The following GSE1 variants were observed in gnomAD, a reference collection of about 807,000 sequenced individuals.
GSE1 encodes the protein genetic suppressor element 1.
Under a neutral mutation model 112.6 loss-of-function variants are expected in GSE1, and 32 were observed. The observed-to-expected ratio is 0.28, with a 90% CI of 0.21 to 0.38. The LOEUF is 0.38. Among genes scored for constraint, GSE1 ranks in the 10% least tolerant of loss-of-function variants. GSE1 has a pLI of 1.00. For missense variants in GSE1, 2,348 were observed against 1,699.2 expected (o/e 1.38, Z -6.71); for synonymous variants, 1,115 against 735.6 (o/e 1.52, Z -8.35).
chr16:85,291,260 G>C (rs1185183849), intron 1 of GSE1, among the ~76,000 whole-genome samples: 1 of 152,204 alleles, frequency 6.6e-6, no homozygotes, highest in Non-Finnish European at 1.5e-5. Flanking sequence ...CTCAGAGCTT[G>C]AGTAGGAGCC....
chr16:85,441,516 G>A lies in GSE1; in HGVS notation c.2464+83873G>A, dbSNP rs185569634. On this transcript the variant is annotated intron_variant, in intron 2 of 2. Transcript: ENST00000637419. ...CTAAAAATGCGAAAATTAGCTGGGC[G>A]TAGTGGTGTGCGCCTGTAATCCCAG... is the stretch of plus-strand genomic sequence containing the variant. Among the ~76,000 whole-genome samples, 3 of 152,304 alleles carry A rather than the reference G, an allele frequency of 2.0e-5. No individual in the cohort carries two copies. The East Asian group carries it at 5.8e-4, about 29-fold the overall frequency.
intron 13 of GSE1, among the ~76,000 whole-genome samples, chr16:85,667,410 G>C (rs757705677): frequency 6.6e-6 from 1 of 152,248 alleles, no homozygotes; most frequent in African/African-American, 2.4e-5. Context: ...ACCAGGCCAC[G>C]CCATGAGACA....
At chr16:85,481,991 C>T (rs1016362824) in intron 2 of GSE1, among the ~76,000 whole-genome samples, 6 of 152,264 alleles carry the variant, frequency 3.9e-5, no homozygotes, top group African/African-American at 1.2e-4. Context: ...ATGCCCTCGC[C>T]GGGACTACGC....
At chr16:85,559,791 C>T (rs548557815) in intron 1 of GSE1, among the ~76,000 whole-genome samples, 173 of 152,336 alleles carry the variant, frequency 1.1e-3, no homozygotes, top group Admixed American at 2.4e-3. Flanking sequence ...ATCCATGGCC[C>T]GGCCCATTGT....
chr16:85,644,222 C>A (rs2050672198), intron 2 of GSE1, among the ~76,000 whole-genome samples: 1 of 152,054 alleles, frequency 6.6e-6, no homozygotes, highest in Non-Finnish European at 1.5e-5. Context: ...GCCTTTAGTC[C>A]CGGCTCCTCA....
intron 2 of GSE1, among the ~76,000 whole-genome samples, chr16:85,537,352 C>G (rs1202639741): frequency 6.6e-6 from 1 of 152,190 alleles, no homozygotes; most frequent in Admixed American, 6.5e-5. Flanking sequence ...ACAGTGGAGA[C>G]AGGGGGATCT....
intron 3 of GSE1, among the ~76,000 whole-genome samples, chr16:85,651,179 C>T (rs1333053173): frequency 3.3e-5 from 5 of 151,108 alleles, no homozygotes; most frequent in African/African-American, 9.7e-5. Context: ...ATGCGTCTGT[C>T]TGTGGAGACG....
chr16:85,630,722 G>C (rs1384787545), intron 1 of GSE1, among the ~76,000 whole-genome samples: 1 of 152,218 alleles, frequency 6.6e-6, no homozygotes, highest in African/African-American at 2.4e-5. Flanking sequence ...GCCGTGTACT[G>C]GGCAGGTGCT....
Position 85,654,357 on chromosome 16 carries a change from G to A in GSE1, c.506G>A (p.Gly169Glu). ...EPPLPQEKAG[G>E]PAIPSHLLST... ...CCGCTCCCTCAGGAGAAGGCAGGGG[G>A]ACCAGCCATCCCCTCGCACCTGCTC... The change falls in exon 4 of 16, where the codon GGA becomes GAA. Residue 169 changes from glycine to glutamate, a missense_variant. Transcript: ENST00000253458. The A allele has an allele frequency of 6.2e-7, 1 of 1,612,114 alleles. No individual in the cohort carries two copies. The highest frequency in any genetic ancestry group is 8.5e-7 in the Non-Finnish European group (1 of 1,179,552).
At chr16:85,290,684 C>G (rs1043169345) in intron 1 of GSE1, among the ~76,000 whole-genome samples, 9 of 152,288 alleles carry the variant, frequency 5.9e-5, no homozygotes, top group Non-Finnish European at 7.4e-5. Context: ...TAATAACTAA[C>G]TCTTCATAGA....
chr16:85,633,418 C>T (rs909886753), intron 1 of GSE1, among the ~76,000 whole-genome samples: 1 of 152,250 alleles, frequency 6.6e-6, no homozygotes, highest in African/African-American at 2.4e-5. Context: ...AGGGCATTGC[C>T]ATGCGTGCCT....
In GSE1 at chr16:85,624,365, G is replaced by A. The variant is rs561354541; in HGVS notation, c.8-9549G>A. 1.6e-4 allele frequency among the ~76,000 whole-genome samples: 25 copies of A among 152,322 alleles called. No homozygotes were observed. In the East Asian group the frequency reaches 2.3e-3, roughly 14 times the overall value. The stretch of plus-strand genomic sequence containing the variant: ...TGGGCTACACAGGGCACCCGGGGGC[G>A]GTTCCGGCCTCTAGCACAGGTGCCC... On this transcript the variant is annotated intron_variant, in intron 1 of 15. Transcript: ENST00000253458.
intron 2 of GSE1, among the ~76,000 whole-genome samples, chr16:85,403,845 C>G (rs1373187579): frequency 1.3e-5 from 2 of 152,158 alleles, no homozygotes; most frequent in Non-Finnish European, 2.9e-5. Flanking sequence ...CTGCCACAGT[C>G]TGGAGGCCAG....
chr16:85,615,736 G>A (rs563232606), intron 1 of GSE1, among the ~76,000 whole-genome samples: 1 of 152,326 alleles, frequency 6.6e-6, no homozygotes, highest in South Asian at 2.1e-4. Context: ...GAGTGTCAGA[G>A]TTCAAAGGGG....
intron 8 of GSE1, among the ~76,000 whole-genome samples, chr16:85,658,082 T>C (rs2052121179): frequency 6.6e-6 from 1 of 152,264 alleles, no homozygotes; most frequent in South Asian, 2.1e-4. Context: ...GCCCGTTTTC[T>C]AGCCCTTTAT....
chr16:85,227,816 CTGTT>C (rs545405275), intron 1 of GSE1, among the ~76,000 whole-genome samples: 42 of 152,360 alleles, frequency 2.8e-4, no homozygotes, highest in African/African-American at 1.0e-3. Flanking sequence ...CATTCCCTCA[CTGTT>C]TGCTGAATGC....
intron 1 of GSE1, among the ~76,000 whole-genome samples, chr16:85,196,134 G>A (rs930422470): frequency 2.0e-5 from 3 of 152,202 alleles, no homozygotes; most frequent in Admixed American, 6.5e-5. Flanking sequence ...GCTGCCAAAC[G>A]AGTTAAGAAA....
intron 6 of GSE1, 86 bp from the exon 7 acceptor site, chr16:85,656,257 C>T (rs997939474): frequency 6.5e-6 from 10 of 1,528,248 alleles, no homozygotes; most frequent in Admixed American, 1.9e-5. Context: ...CTGGCTCGTT[C>T]CTGGTTATGC....
At chr16:85,625,243 A>G (rs189889186) in intron 1 of GSE1, among the ~76,000 whole-genome samples, 1 of 152,218 alleles carries the variant, frequency 6.6e-6, no homozygotes, top group East Asian at 1.9e-4. Context: ...CCGCACACAC[A>G]GCAGCCGCTT....
Sources: gnomAD v4.1 joint callset for allele counts (sites outside exome capture counted in the v4.1 genomes callset) on GRCh38, gnomAD v4.1.1 for gene constraint, MANE v1.5 for transcripts, NCBI Gene and HGNC (gene_info 2026-07-23, HGNC 2026-07-21) for gene names.